RAD17: variants seen among roughly 807,000 people sequenced by gnomAD.
RAD17 encodes RAD17 checkpoint clamp loader component.
RAD17 carries 31 observed loss-of-function variants against 81.5 expected under a neutral mutation model. The observed-to-expected ratio is 0.38, with a 90% confidence interval of 0.29 to 0.51. The LOEUF (loss-of-function observed/expected upper bound fraction) is 0.51. RAD17 is among the 20% of genes least tolerant of loss of function. RAD17 has a pLI of 0.88. For missense variants in RAD17, 681 were observed against 781.2 expected (o/e 0.87, Z 1.53); for synonymous variants, 261 against 266.2 (o/e 0.98, Z 0.19).
intron 17 of RAD17, among the ~76,000 whole-genome samples, chr5:69,410,134 T>C (rs772147356): frequency 1.3e-5 from 2 of 152,246 alleles, no homozygotes; most frequent in Non-Finnish European, 2.9e-5. Flanking sequence ...AATATCTTTT[T>C]GAGACTCTGT....
Position 69,389,036 on chromosome 5 carries a change from T to C in RAD17, c.897T>C (p.Asn299=). 1 of 1,460,540 alleles carries C rather than the reference T, an allele frequency of 6.8e-7. No individual in the cohort carries two copies. The highest frequency in any genetic ancestry group is 9.1e-7 in the Non-Finnish European group (1 of 1,094,654). 90.5% of individuals were successfully genotyped at this position (1,460,540 alleles called of 1,614,324 possible). A position where few individuals can be genotyped will look rare whatever the true frequency, so the allele number is the denominator to read the frequency against. Residue 299 remains asparagine, a splice_region_variant and synonymous_variant, in exon 12 of 19, where the codon AAT becomes AAC. Transcript: ENST00000354868. ...NRIVTIEANK[N]GGKITVPDKT... ...TAAATTTAATTTTCTTATTTTAGAA[T>C]GGAGGAAAAATTACTGTCCCTGACA...
intron 17 of RAD17, among the ~76,000 whole-genome samples, chr5:69,405,334 C>T (rs1765525121): frequency 6.7e-6 from 1 of 149,964 alleles, no homozygotes; most frequent in African/African-American, 2.5e-5. Context: ...AAACCCATCT[C>T]TACTAAAAAC....
chr5:69,399,954 ATTGTG>A, intron 16 of RAD17, 90 bp from the exon 17 acceptor site: 12 of 768,682 alleles, frequency 1.6e-5, no homozygotes, highest in South Asian at 3.5e-5. Context: ...ATATAAACTT[ATTGTG>A]TAAGTTTATA....
chr5:69,377,021 T>C (rs1243593967), intron 6 of RAD17, among the ~76,000 whole-genome samples: 1 of 152,172 alleles, frequency 6.6e-6, no homozygotes, highest in East Asian at 1.9e-4. Flanking sequence ...CCCTAAGTGC[T>C]GGGATTGCAG....
intron 15 of RAD17, among the ~76,000 whole-genome samples, chr5:69,393,908 GTT>G (rs34500104): frequency 5.5e-4 from 40 of 73,116 alleles, no homozygotes; most frequent in South Asian, 3.4e-3. Context: ...TGTTATGGTG[GTT>G]TTTTTTTTTT....
intron 3 of RAD17, among the ~76,000 whole-genome samples, 159 bp downstream of exon 3, chr5:69,371,716 T>C (rs995871515): frequency 2.6e-5 from 4 of 152,236 alleles, no homozygotes; most frequent in Non-Finnish European, 5.9e-5. Context: ...GTGAAACAAG[T>C]GTTCTCTAAA....
chr5:69,388,849 C>T (rs1764373632), intron 11 of RAD17, among the ~76,000 whole-genome samples, 185 bp from the exon 12 acceptor site: 1 of 152,084 alleles, frequency 6.6e-6, no homozygotes, highest in African/African-American at 2.4e-5. Context: ...CTCAAGTGAT[C>T]CTCCTGCCTC....
In RAD17 at chr5:69,414,374, T is replaced by C. The variant is rs1399646232; in HGVS notation, c.*82T>C. The C allele has an allele frequency of 7.1e-7, 1 of 1,407,666 alleles. No individual in the cohort carries two copies. Among genetic ancestry groups the C allele is most frequent in the African/African-American group, 1.4e-5 (1 of 69,494 alleles). The allele number at this position is 1,407,666 out of a possible 1,614,324, so 87.2% of individuals were successfully genotyped here. A position where few individuals can be genotyped will look rare whatever the true frequency, so the allele number is the denominator to read the frequency against. ...GGTACTTCAGCAGAGTTAATATGCT[T>C]TTCTGATGAATTACACAACAGTTTG... On this transcript the variant is annotated 3_prime_UTR_variant, in exon 19 of 19. Transcript: ENST00000354868.
Position 69,372,146 on chromosome 5 carries a change from C to A in RAD17, c.-63C>A. The A allele has an allele frequency of 3.8e-6, 6 of 1,559,896 alleles. No homozygotes were observed. In the South Asian group the frequency reaches 7.2e-5, roughly 19 times the overall value. ...ATAATGAAAGATATTTTCATACTCT[C>A]AAAAATATAGAGGAAAGGGGCCAAG... On this transcript the variant is annotated 5_prime_UTR_variant, in exon 4 of 19. It introduces an in-frame stop codon into an upstream open reading frame of the 5' UTR. Coordinates refer to ENST00000354868, the MANE Select transcript of RAD17 (RefSeq NM_133338.3).
At chr5:69,381,457 G>T (rs1763853742) in intron 6 of RAD17, among the ~76,000 whole-genome samples, 1 of 151,768 alleles carries the variant, frequency 6.6e-6, no homozygotes, top group Non-Finnish European at 1.5e-5. Flanking sequence ...CTCCAGCCTG[G>T]GTGAAAGAGC....
chr5:69,371,115 T>G lies in RAD17; in HGVS notation c.-336T>G. On this transcript the variant is annotated 5_prime_UTR_variant, in exon 2 of 19. Coordinates refer to ENST00000354868, the MANE Select transcript of RAD17 (RefSeq NM_133338.3). ...AACTGTAATTTGAAATAAGGAAAAC[T>G]TTAATTTTCAGTATAAAAATTGCTC... 4.3e-6 allele frequency: 2 copies of G among 463,036 alleles called. No homozygotes were observed. Among genetic ancestry groups the G allele is most frequent in the Non-Finnish European group, 8.4e-6 (2 of 238,414 alleles). 28.7% of individuals were successfully genotyped at this position (463,036 alleles called of 1,614,324 possible).
intron 17 of RAD17, among the ~76,000 whole-genome samples, chr5:69,408,494 C>T (rs1158059941): frequency 1.4e-5 from 2 of 146,152 alleles, no homozygotes; most frequent in Non-Finnish European, 3.0e-5. Flanking sequence ...ACACTGTTGG[C>T]TACCCTAATT....
At chr5:69,379,577 CAAAT>C (rs1763718756) in intron 6 of RAD17, among the ~76,000 whole-genome samples, 1 of 151,992 alleles carries the variant, frequency 6.6e-6, no homozygotes, top group African/African-American at 2.4e-5. Context: ...GCTTAAAACA[CAAAT>C]AAATGGTACG....
At position 69,373,679 on chromosome 5, in the gene RAD17, C is replaced by CA. The variant is rs372689254; in HGVS notation, c.10-144dup. 4.4e-4 allele frequency: 235 copies of CA among 533,300 alleles called. 3 individuals are homozygous for CA. The African/African-American group carries it at 5.0e-3, about 11-fold the overall frequency. The allele number at this position is 533,300 out of a possible 1,614,324, so 33.0% of individuals were successfully genotyped here. A position where few individuals can be genotyped will look rare whatever the true frequency, so the allele number is the denominator to read the frequency against. ...TGGGTGACAGAGTGAGACCCGGTCT[C>CA]AAAAAAATTTTTTTTTTTTTTTTTT... On this transcript the variant is annotated intron_variant, in intron 4 of 18. Coordinates refer to ENST00000354868, the MANE Select transcript of RAD17 (RefSeq NM_133338.3).
At position 69,396,572 on chromosome 5, in the gene RAD17, A is replaced by G. The variant is rs1442803352; in HGVS notation, c.1572+26A>G. 8.3e-6 allele frequency: 12 copies of G among 1,450,994 alleles called. No individual in the cohort carries two copies. In the Admixed American group the frequency reaches 9.8e-5, roughly 12 times the overall value. The allele number at this position is 1,450,994 out of a possible 1,614,324, so 89.9% of individuals were successfully genotyped here. A position where few individuals can be genotyped will look rare whatever the true frequency, so the allele number is the denominator to read the frequency against. On this transcript the variant is annotated intron_variant, in intron 16 of 18. Coordinates refer to ENST00000354868, the MANE Select transcript of RAD17 (RefSeq NM_133338.3). ...GTAAAAAAAAAAAAAAAAATTCTGT[A>G]CTTTCAATATGTGAACTTTATGGTA...
In RAD17 at chr5:69,400,146, T is replaced by A. The variant is rs537898623; in HGVS notation, c.1670T>A (p.Leu557Gln). 6.4e-7 allele frequency: 1 copy of A among 1,558,380 alleles called. No individual in the cohort carries two copies. The highest frequency in any genetic ancestry group is 2.4e-5 in the East Asian group (1 of 42,168). ...CAGCTATTGCCATACCTTGCTCTAC[T>A]AACCATTCCAATGAGAAATCAAGGT... ...QTQLLPYLAL[L>Q]TIPMRNQAQI... is the part of the protein sequence containing the mutation. Residue 557 changes from leucine (L) to glutamine (Q), a missense_variant, in exon 17 of 19, where the codon CTA (leucine) becomes CAA (glutamine). Coordinates refer to ENST00000354868, the MANE Select transcript of RAD17 (RefSeq NM_133338.3).
At chr5:69,376,207 C>G (rs1763324238) in intron 6 of RAD17, among the ~76,000 whole-genome samples, 1 of 152,168 alleles carries the variant, frequency 6.6e-6, no homozygotes, top group Admixed American at 6.5e-5. Flanking sequence ...GACACATAAT[C>G]CATGGGGAGA....
chr5:69,410,742 A>G (rs759183417), intron 18 of RAD17, among the ~76,000 whole-genome samples, 192 bp downstream of exon 18: 6 of 151,870 alleles, frequency 4.0e-5, no homozygotes, highest in Non-Finnish European at 5.9e-5. Context: ...CTCCCAATGG[A>G]CTATACCAGA....
intron 7 of RAD17, among the ~76,000 whole-genome samples, chr5:69,382,922 T>C (rs988907832): frequency 1.3e-5 from 2 of 152,126 alleles, no homozygotes; most frequent in African/African-American, 4.8e-5. Context: ...TAGCTGGGAT[T>C]AGAGGCATGT....
Sources: allele counts gnomAD v4.1 joint callset (sites outside exome capture counted in the v4.1 genomes callset), GRCh38; gene constraint gnomAD v4.1.1; transcripts MANE v1.5; gene names NCBI Gene and HGNC (gene_info 2026-07-23, HGNC 2026-07-21).